Variants in CALN1 observed in about 807,000 individuals in gnomAD.
The protein encoded by CALN1 is calcium-binding protein 8.
A neutral mutation model predicts 30.6 loss-of-function variants in CALN1; 17 were observed. The observed-to-expected ratio is 0.56, with a 90% CI of 0.38 to 0.83. The LOEUF (loss-of-function observed/expected upper bound fraction) is 0.83, where lower values mean the gene tolerates loss of function less well. Ranked by LOEUF, CALN1 falls within the 40% of genes least tolerant of loss-of-function variation. The pLI, the probability that CALN1 is intolerant of heterozygous loss-of-function variation, is 0.00. For missense variants in CALN1, 291 were observed against 354.9 expected, an observed-to-expected ratio of 0.82 and a Z score of 1.45; for synonymous variants, 156 against 131.4, an observed-to-expected ratio of 1.19 and a Z score of -1.28.
At chr7:72,323,229 G>A (rs1342528216) in intron 2 of CALN1, among the ~76,000 whole-genome samples, 2 of 152,056 alleles carry the variant, frequency 1.3e-5, no homozygotes, top group African/African-American at 4.8e-5. Flanking sequence ...GGAAAGGCAG[G>A]AACCCAGTCC....
Position 72,184,185 on chromosome 7 carries a change from T to C in CALN1, c.245-77891A>G, listed in dbSNP as rs923900654. 2.6e-5 allele frequency among the ~76,000 whole-genome samples: 4 copies of C among 152,222 alleles called. No homozygotes were observed. In the South Asian group the frequency reaches 8.3e-4, roughly 31 times the overall value. On this transcript the variant is annotated intron_variant, in intron 3 of 6. Transcript: ENST00000395275. Reference sequence around the variant, plus strand: ...CACAGCGTGGCATGATGGTTAATTTTTCAATCGTCGTCTTCGAATACGTTG... The same window carrying C: ...CACAGCGTGGCATGATGGTTAATTTCTCAATCGTCGTCTTCGAATACGTTG...
At chr7:71,962,225 TC>T (rs1562938947) in intron 5 of CALN1, among the ~76,000 whole-genome samples, 1 of 118,462 alleles carries the variant, frequency 8.4e-6, no homozygotes, top group Non-Finnish European at 1.7e-5. Context: ...AGACCCCATC[TC>T]TAAAAAAAAA....
intron 5 of CALN1, among the ~76,000 whole-genome samples, chr7:71,926,135 C>G (rs909789188): frequency 6.6e-6 from 1 of 152,104 alleles, no homozygotes; most frequent in Non-Finnish European, 1.5e-5. Flanking sequence ...AAGCTAACTC[C>G]CCACATGCTC....
At chr7:72,247,002 C>T (rs1363117079) in intron 3 of CALN1, among the ~76,000 whole-genome samples, 1 of 152,022 alleles carries the variant, frequency 6.6e-6, no homozygotes, top group Non-Finnish European at 1.5e-5. Context: ...GATCTGCCCG[C>T]CTCGGCCTCC....
intron 3 of CALN1, among the ~76,000 whole-genome samples, chr7:72,245,855 G>A (rs1367931194): frequency 3.3e-5 from 5 of 152,156 alleles, no homozygotes; most frequent in Non-Finnish European, 7.4e-5. Context: ...GTGTTCTGGT[G>A]CCACCATTTC....
Position 72,310,276 on chromosome 7 carries a change from AG to A in CALN1, c.120-31467del, listed in dbSNP as rs752097442. Among the ~76,000 whole-genome samples, 85 of 151,462 alleles carry A rather than the reference AG, an allele frequency of 5.6e-4. 1 individual carries two copies. The highest frequency in any genetic ancestry group is 9.7e-4 in the Non-Finnish European group (66 of 67,942). On this transcript the variant is annotated intron_variant, in intron 2 of 6. Coordinates refer to ENST00000395275, the MANE Select transcript of CALN1 (RefSeq NM_031468.4). ...TGCCATGGATCAAATGGGAGTTGTAAGGTATCTACCTCATTGAGCCATTGTG... is the reference window on the plus strand; with the variant it reads ...TGCCATGGATCAAATGGGAGTTGTAAGTATCTACCTCATTGAGCCATTGTG...
In CALN1 at chr7:71,832,710, C is replaced by T. The variant is rs571082755; in HGVS notation, c.502-22218G>A. On this transcript the variant is annotated intron_variant, in intron 5 of 6. Transcript: ENST00000395275. The stretch of plus-strand genomic sequence containing the variant: ...CTGCCTCCCAGGCTTAAGTGATCCT[C>T]CCACCTCAGCCTCCTGAGTAGCTGA... Among the ~76,000 whole-genome samples the T allele has an allele frequency of 4.6e-5, 7 of 152,262 alleles. No homozygotes were observed. The South Asian group carries it at 1.4e-3, about 32-fold the overall frequency.
chr7:72,046,261 G>T (rs57830014), intron 4 of CALN1, among the ~76,000 whole-genome samples: 8,768 of 152,056 alleles, frequency 0.058, 544 homozygotes, highest in East Asian at 0.24. Context: ...TGGAGACAAG[G>T]TCTCTTTTTC....
chr7:72,200,416 T>G (rs1216090117), intron 3 of CALN1, among the ~76,000 whole-genome samples: 12 of 152,228 alleles, frequency 7.9e-5, no homozygotes, highest in Admixed American at 7.8e-4. Context: ...TTAACCATAG[T>G]GAGCACTCAG....
rs187237031 is a variant in CALN1 at position 72,339,166 on chromosome 7, G to A, written c.120-60356C>T. 1.2e-4 allele frequency among the ~76,000 whole-genome samples: 19 copies of A among 152,010 alleles called. 1 individual carries two copies. The East Asian group carries it at 3.1e-3, about 25-fold the overall frequency. On this transcript the variant is annotated intron_variant, in intron 2 of 6. Coordinates refer to ENST00000395275, the MANE Select transcript of CALN1 (RefSeq NM_031468.4). ...TCACTGGATCTCATTCTTTTTTATG[G>A]CTGAATAGTGCTCCATTGTGTACAT...
intron 5 of CALN1, among the ~76,000 whole-genome samples, chr7:71,960,513 T>C (rs1422490846): frequency 3.3e-5 from 5 of 152,344 alleles, no homozygotes; most frequent in Admixed American, 3.3e-4. Context: ...GATTGCATTC[T>C]TTTTTATGGC....
the CALN1 span, among the ~76,000 whole-genome samples, chr7:72,490,107 G>C: frequency 6.6e-6 from 1 of 152,178 alleles, no homozygotes; most frequent in Non-Finnish European, 1.5e-5. Flanking sequence ...AGAGACCATG[G>C]CTTCTCCTTG....
chr7:72,062,511 C>CAAAAAAAAAAAAAA (rs376093442), intron 4 of CALN1, among the ~76,000 whole-genome samples: 3 of 59,380 alleles, frequency 5.1e-5, no homozygotes, highest in African/African-American at 7.7e-5. Context: ...GACTCTATCT[C>CAAAAAAAAAAAAAA]AAAAAAAAAA....
intron 5 of CALN1, among the ~76,000 whole-genome samples, chr7:72,007,622 CCTAT>C (rs1481453112): frequency 2.6e-5 from 4 of 152,290 alleles, no homozygotes; most frequent in East Asian, 1.9e-4. Context: ...TTATTTAATG[CCTAT>C]CTTTCTCCTA....
At chr7:71,811,015 C>A (rs1007626117) in intron 5 of CALN1, among the ~76,000 whole-genome samples, 20 of 151,994 alleles carry the variant, frequency 1.3e-4, no homozygotes, top group African/African-American at 4.8e-4. Context: ...CTGCCTCAGC[C>A]TCCGTAGTAG....
At chr7:72,325,169 C>A (rs1040484674) in intron 2 of CALN1, among the ~76,000 whole-genome samples, 1 of 151,850 alleles carries the variant, frequency 6.6e-6, no homozygotes, top group African/African-American at 2.4e-5. Context: ...AGCTTGGTGG[C>A]AAACTTTGGT....
intron 5 of CALN1, among the ~76,000 whole-genome samples, chr7:71,930,958 A>T (rs777849832): frequency 2.5e-4 from 38 of 152,210 alleles, no homozygotes; most frequent in Non-Finnish European, 4.9e-4. Flanking sequence ...ACATGTTTCT[A>T]GACAGAGGTC....
chr7:72,150,332 G>A (rs1461693626), intron 3 of CALN1, among the ~76,000 whole-genome samples: 1 of 152,196 alleles, frequency 6.6e-6, no homozygotes, highest in African/African-American at 2.4e-5. Flanking sequence ...TGGATCCAGT[G>A]CCTGGGATAG....
At chr7:71,886,636 G>C (rs1267499022) in intron 5 of CALN1, among the ~76,000 whole-genome samples, 1 of 152,070 alleles carries the variant, frequency 6.6e-6, no homozygotes, top group Non-Finnish European at 1.5e-5. Context: ...AGCCAGGCTT[G>C]GTGGTGGGCG....
Sources: allele counts gnomAD v4.1 joint callset (sites outside exome capture counted in the v4.1 genomes callset), GRCh38; gene constraint gnomAD v4.1.1; transcripts MANE v1.5; gene names NCBI Gene and HGNC (gene_info 2026-07-23, HGNC 2026-07-21).